The following KCTD8 variants were observed in gnomAD, a reference collection of about 807,000 sequenced individuals.
The protein encoded by KCTD8 is potassium channel tetramerization domain containing 8.
Under a neutral mutation model 31.5 loss-of-function variants are expected in KCTD8, and 27 were observed. That is an observed-to-expected ratio of 0.86 (90% CI 0.63 to 1.18). KCTD8 has a LOEUF of 1.18. Ranked by LOEUF, KCTD8 falls within the 50% of genes most tolerant of loss-of-function variation. KCTD8 has a pLI of 0.00. For missense variants in KCTD8, 658 were observed against 647.7 expected (o/e 1.02, Z -0.17); for synonymous variants, 290 against 280.0 (o/e 1.04, Z -0.36).
chr4:44,304,044 A>G (rs1191225792), intron 1 of KCTD8, among the ~76,000 whole-genome samples: 1 of 152,160 alleles, frequency 6.6e-6, no homozygotes, highest in Non-Finnish European at 1.5e-5. Flanking sequence ...AGGCTCATGC[A>G]GTCATCCAGA....
intron 1 of KCTD8, among the ~76,000 whole-genome samples, chr4:44,427,509 A>T (rs1014890872): frequency 4.4e-5 from 5 of 114,218 alleles, no homozygotes; most frequent in Non-Finnish European, 1.1e-4. Flanking sequence ...GAAACTAACA[A>T]AAGACTGTGA....
intron 1 of KCTD8, among the ~76,000 whole-genome samples, chr4:44,361,470 A>C (rs17599823): frequency 0.13 from 20,350 of 152,070 alleles, 1,757 homozygotes; most frequent in East Asian, 0.36. Context: ...TGAAATACTT[A>C]ATAGTGATGC....
intron 1 of KCTD8, among the ~76,000 whole-genome samples, chr4:44,402,647 T>G (rs750823752): frequency 6.6e-6 from 1 of 152,128 alleles, no homozygotes; most frequent in Non-Finnish European, 1.5e-5. Context: ...TACACTTAGA[T>G]TTTTAGAAAA....
intron 1 of KCTD8, among the ~76,000 whole-genome samples, chr4:44,179,320 G>A (rs1192138735): frequency 6.6e-6 from 1 of 151,674 alleles, no homozygotes; most frequent in Non-Finnish European, 1.5e-5. Flanking sequence ...ATTATACAGT[G>A]TTTGAAATGC....
intron 1 of KCTD8, among the ~76,000 whole-genome samples, chr4:44,319,635 G>T (rs576971170): frequency 6.6e-6 from 1 of 152,120 alleles, no homozygotes; most frequent in Non-Finnish European, 1.5e-5. Flanking sequence ...TCAAGTTGAA[G>T]AATTATTATG....
chr4:44,290,142 C>T (rs571588983), intron 1 of KCTD8, among the ~76,000 whole-genome samples: 1 of 151,908 alleles, frequency 6.6e-6, no homozygotes, highest in Non-Finnish European at 1.5e-5. Flanking sequence ...AAATGAAAAA[C>T]AATAAAGTGC....
intron 1 of KCTD8, among the ~76,000 whole-genome samples, chr4:44,266,342 C>T (rs1052401538): frequency 2.8e-4 from 43 of 152,010 alleles, no homozygotes; most frequent in Non-Finnish European, 5.0e-4. Context: ...CAAGCAAATG[C>T]TGAGAGATTT....
chr4:44,231,457 G>T (rs1715115649), intron 1 of KCTD8, among the ~76,000 whole-genome samples: 1 of 152,082 alleles, frequency 6.6e-6, no homozygotes, highest in Non-Finnish European at 1.5e-5. Flanking sequence ...TACTGACTTT[G>T]TTCATATTCA....
chr4:44,423,558 T>C (rs1347977258), intron 1 of KCTD8, among the ~76,000 whole-genome samples: 1 of 152,084 alleles, frequency 6.6e-6, no homozygotes, highest in Non-Finnish European at 1.5e-5. Context: ...CTGGAAGAAG[T>C]TCTTGACAAT....
At chr4:44,411,758 C>T (rs1045795853) in intron 1 of KCTD8, among the ~76,000 whole-genome samples, 2 of 151,834 alleles carry the variant, frequency 1.3e-5, no homozygotes, top group Non-Finnish European at 2.9e-5. Flanking sequence ...AGAAGAATGC[C>T]CTATGACAAC....
intron 1 of KCTD8, among the ~76,000 whole-genome samples, chr4:44,419,686 T>C (rs1721164277): frequency 6.6e-6 from 1 of 151,280 alleles, no homozygotes; most frequent in South Asian, 2.1e-4. Flanking sequence ...GAGTGTCACA[T>C]ACCGGGGCCT....
chr4:44,177,337 C>T (rs1040501957), intron 1 of KCTD8, among the ~76,000 whole-genome samples: 1 of 152,110 alleles, frequency 6.6e-6, no homozygotes, highest in Non-Finnish European at 1.5e-5. Context: ...AGAGGCACAG[C>T]CCTATCAGGA....
intron 1 of KCTD8, among the ~76,000 whole-genome samples, chr4:44,358,017 T>C (rs1719389803): frequency 6.6e-6 from 1 of 152,048 alleles, no homozygotes; most frequent in Non-Finnish European, 1.5e-5. Context: ...TCATCTACAT[T>C]AGGTATTTCT....
intron 1 of KCTD8, among the ~76,000 whole-genome samples, chr4:44,413,659 T>A (rs1721008878): frequency 6.6e-6 from 1 of 152,196 alleles, no homozygotes; most frequent in Non-Finnish European, 1.5e-5. Flanking sequence ...TAGTCAACAG[T>A]ATTACTATAT....
At chr4:44,329,502 A>G (rs1718538623) in intron 1 of KCTD8, among the ~76,000 whole-genome samples, 1 of 151,952 alleles carries the variant, frequency 6.6e-6, no homozygotes, top group Non-Finnish European at 1.5e-5. Flanking sequence ...CACTGAGGTA[A>G]GATAAATTGT....
At position 44,415,287 on chromosome 4, in the gene KCTD8, A is replaced by G. The variant is rs191368825; in HGVS notation, c.961+32276T>C. Among the ~76,000 whole-genome samples, 6 of 152,320 alleles carry G rather than the reference A, an allele frequency of 3.9e-5. No individual in the cohort carries two copies. In the East Asian group the frequency reaches 9.7e-4, roughly 25 times the overall value. ...AGATATGAGAACAAAGAAATGACTT[A>G]AAGTTGGACTTATATTTAAAAGAGA... is the stretch of plus-strand genomic sequence containing the variant. On this transcript the variant is annotated intron_variant, in intron 1 of 1. Coordinates refer to ENST00000360029, the MANE Select transcript of KCTD8 (RefSeq NM_198353.3).
intron 1 of KCTD8, among the ~76,000 whole-genome samples, chr4:44,445,416 G>A (rs1321719213): frequency 1.3e-5 from 2 of 151,934 alleles, no homozygotes; most frequent in Admixed American, 1.3e-4. Flanking sequence ...GAATTTCAGA[G>A]GTCATTAATA....
chr4:44,229,198 G>C (rs762404737), intron 1 of KCTD8, among the ~76,000 whole-genome samples: 19 of 152,282 alleles, frequency 1.2e-4, no homozygotes, highest in Non-Finnish European at 2.4e-4. Context: ...TGAGGCAGGA[G>C]AGGGCTCTCC....
intron 1 of KCTD8, among the ~76,000 whole-genome samples, chr4:44,364,502 G>T (rs1449696861): frequency 6.6e-6 from 1 of 152,068 alleles, no homozygotes; most frequent in East Asian, 1.9e-4. Context: ...ACAGCCCTTT[G>T]GAAAACAGTC....
Sources: allele counts gnomAD v4.1 joint callset (sites outside exome capture counted in the v4.1 genomes callset), GRCh38; gene constraint gnomAD v4.1.1; transcripts MANE v1.5; gene names NCBI Gene and HGNC (gene_info 2026-07-23, HGNC 2026-07-21).